ZNF618: variants seen among roughly 807,000 people sequenced by gnomAD.
ZNF618 encodes neural precursor cell expressed, developmentally down-regulated 10.
ZNF618 carries 34 observed loss-of-function variants against 103.0 expected under a neutral mutation model. The ratio of observed to expected loss-of-function variants is 0.33; its 90% CI spans 0.25 to 0.44. ZNF618 has a LOEUF of 0.44. Among genes scored for constraint, ZNF618 ranks in the 20% least tolerant of loss-of-function variants. The pLI is 1.00. For synonymous variants in ZNF618, 551 were observed against 542.2 expected (o/e 1.02, Z -0.23); for missense variants, 1,059 against 1,295.4 (o/e 0.82, Z 2.80).
rs1846032708 is a variant in ZNF618 at position 114,050,226 on chromosome 9, A to G, written c.*59A>G. The stretch of plus-strand genomic sequence containing the variant: ...GAAGATAACATTAGAAAAAAACCAC[A>G]CAACACTGTCACAAAGAAAAGGAAT... On this transcript the variant is annotated 3_prime_UTR_variant, in exon 15 of 15. Transcript: ENST00000374126. 1.3e-6 allele frequency: 2 copies of G among 1,485,812 alleles called. No individual in the cohort carries two copies. The highest frequency in any genetic ancestry group is 2.3e-5 in the East Asian group (1 of 43,916). The allele number at this position is 1,485,812 out of a possible 1,614,324, so 92.0% of individuals were successfully genotyped here.
At chr9:113,960,743 C>T (rs1297698952) in intron 1 of ZNF618, among the ~76,000 whole-genome samples, 2 of 152,176 alleles carry the variant, frequency 1.3e-5, no homozygotes, top group East Asian at 1.9e-4. Flanking sequence ...GGTTTGGGGA[C>T]GGTCTTCACA....
chr9:113,988,425 A>G lies in ZNF618; in HGVS notation c.182A>G (p.Lys61Arg). The change falls in exon 3 of 15, where the codon AAG becomes AGG. Residue 61 changes from lysine (K) to arginine (R), a missense_variant. Transcript: ENST00000374126. Reference protein sequence around the residue: ...SAEQGTMTEVKVKTELPDDYI... With the variant: ...SAEQGTMTEVRVKTELPDDYI... ...GAGCAAGGAACGATGACGGAGGTGA[A>G]GGTGAAGACAGAGCTGCCCGATGAC... The G allele has an allele frequency of 6.2e-7, 1 of 1,613,702 alleles. No homozygotes were observed. The highest frequency in any genetic ancestry group is 8.5e-7 in the Non-Finnish European group (1 of 1,179,892).
intron 1 of ZNF618, among the ~76,000 whole-genome samples, chr9:113,912,499 G>A (rs1193777359): frequency 6.6e-6 from 1 of 152,176 alleles, no homozygotes; most frequent in Non-Finnish European, 1.5e-5. Flanking sequence ...AGGATGCAAG[G>A]GGTTAAGCAG....
chr9:113,973,276 T>C lies in ZNF618; in HGVS notation c.77+4116T>C, dbSNP rs191040080. On this transcript the variant is annotated intron_variant, in intron 2 of 14. Transcript: ENST00000374126. ...TTAGACGGCTCTGAGCAGAATGACCTTGAAGGACCCCCAGCCCTCCAACGT... is the reference window on the plus strand; with the variant it reads ...TTAGACGGCTCTGAGCAGAATGACCCTGAAGGACCCCCAGCCCTCCAACGT... 2.3e-3 allele frequency among the ~76,000 whole-genome samples: 347 copies of C among 152,278 alleles called. 1 individual carries two copies. Among genetic ancestry groups the C allele is most frequent in the Middle Eastern group, 0.02 (6 of 294 alleles).
Position 114,050,372 on chromosome 9 carries a change from G to A in ZNF618, c.*205G>A, listed in dbSNP as rs908711657. 3.9e-5 allele frequency: 23 copies of A among 586,618 alleles called. No homozygotes were observed. The highest frequency in any genetic ancestry group is 5.6e-5 in the Non-Finnish European group (20 of 357,142). 36.3% of individuals were successfully genotyped at this position (586,618 alleles called of 1,614,324 possible). On this transcript the variant is annotated 3_prime_UTR_variant, in exon 15 of 15. Transcript: ENST00000374126. ...CACGTGTGTGCACGTGTCTGAACAC[G>A]TGCTGTGGTTGTGGGGGTGTGGGGG...
chr9:113,928,334 A>C (rs1373943981), intron 1 of ZNF618, among the ~76,000 whole-genome samples: 1 of 152,130 alleles, frequency 6.6e-6, no homozygotes, highest in African/African-American at 2.4e-5. Context: ...TAATTTTTCC[A>C]TTAGAACCCT....
chr9:113,882,003 AATAAAGTGTTGCCAG>A (rs1283425445), intron 1 of ZNF618, among the ~76,000 whole-genome samples: 2 of 152,160 alleles, frequency 1.3e-5, no homozygotes, highest in African/African-American at 4.8e-5. Flanking sequence ...GTGCATTTTA[AATAAAGTGTTGCCAG>A]AGAGAAGGAT....
chr9:113,993,760 TC>T (rs1329643382), intron 3 of ZNF618, among the ~76,000 whole-genome samples: 1 of 152,204 alleles, frequency 6.6e-6, no homozygotes, highest in Admixed American at 6.5e-5. Flanking sequence ...ACTGGGTTAT[TC>T]CCCGATAGTG....
At position 113,961,659 on chromosome 9, in the gene ZNF618, C is replaced by G. The variant is rs368096488; in HGVS notation, c.34-7458C>G. The stretch of plus-strand genomic sequence containing the variant: ...AAAACCAAGTACAATGTGTTAGATA[C>G]ATACCACTGAATGTGATCTAAGAGG... On this transcript the variant is annotated intron_variant, in intron 1 of 14. Transcript: ENST00000374126. 1.3e-4 allele frequency among the ~76,000 whole-genome samples: 20 copies of G among 152,342 alleles called. No homozygotes were observed. In the East Asian group the frequency reaches 3.9e-3, roughly 29 times the overall value.
chr9:113,964,968 T>G (rs745880704), intron 1 of ZNF618, among the ~76,000 whole-genome samples: 8 of 146,982 alleles, frequency 5.4e-5, no homozygotes, highest in Non-Finnish European at 1.2e-4. Flanking sequence ...CAGCGAGAGA[T>G]AGGATTTTTT....
At chr9:113,943,139 T>C (rs1172739767) in intron 1 of ZNF618, among the ~76,000 whole-genome samples, 4 of 152,102 alleles carry the variant, frequency 2.6e-5, no homozygotes, top group Admixed American at 1.3e-4. Context: ...ACAGAGCAAA[T>C]GTTTTTGAGC....
intron 6 of ZNF618, among the ~76,000 whole-genome samples, chr9:114,004,560 C>G (rs1012752676): frequency 6.6e-6 from 1 of 152,194 alleles, no homozygotes; most frequent in Non-Finnish European, 1.5e-5. Flanking sequence ...TGGTTGCTGA[C>G]GGCTCTGTAG....
chr9:113,889,317 A>C (rs375625138), intron 1 of ZNF618, among the ~76,000 whole-genome samples: 25 of 139,322 alleles, frequency 1.8e-4, no homozygotes, highest in Admixed American at 4.1e-4. Flanking sequence ...CCCCGCTACC[A>C]TCTCTCTCTC....
At chr9:113,986,815 C>T (rs1839529962) in intron 2 of ZNF618, among the ~76,000 whole-genome samples, 1 of 152,194 alleles carries the variant, frequency 6.6e-6, no homozygotes, top group East Asian at 1.9e-4. Context: ...GCTCAGTTTC[C>T]CAACCTTTCT....
At chr9:113,957,030 C>T (rs1385699889) in intron 1 of ZNF618, among the ~76,000 whole-genome samples, 1 of 152,184 alleles carries the variant, frequency 6.6e-6, no homozygotes, top group Non-Finnish European at 1.5e-5. Flanking sequence ...ATGACTTACC[C>T]AGTGACACAT....
chr9:113,921,389 G>A (rs375896511), intron 1 of ZNF618, among the ~76,000 whole-genome samples: 40 of 152,368 alleles, frequency 2.6e-4, no homozygotes, highest in South Asian at 2.1e-3. Flanking sequence ...TTCACTGAGT[G>A]GAAGGGTTTT....
intron 1 of ZNF618, among the ~76,000 whole-genome samples, chr9:113,901,328 C>G (rs539279249): frequency 6.6e-6 from 1 of 152,190 alleles, no homozygotes; most frequent in Admixed American, 6.5e-5. Flanking sequence ...CTCCTTGCCC[C>G]GTCTCCTGTC....
intron 2 of ZNF618, among the ~76,000 whole-genome samples, chr9:113,975,299 C>T (rs1838373842): frequency 6.6e-6 from 1 of 152,190 alleles, no homozygotes; most frequent in African/African-American, 2.4e-5. Context: ...TATATGGAGT[C>T]ACCCAGATGG....
In ZNF618 at chr9:114,047,933, G is replaced by A. The variant is rs756210735; in HGVS notation, c.1287G>A (p.Ser429=). The change falls in exon 14 of 15, where the codon TCG becomes TCA. Residue 429 remains serine, a synonymous_variant. Coordinates refer to ENST00000374126, the MANE Select transcript of ZNF618 (RefSeq NM_001318042.2). The stretch of plus-strand genomic sequence containing the variant: ...ACATTGCCTCCAACCAGTCCCGATC[G>A]CCACCTGCTGTTGTAGAAGAGAAGT... The part of the protein sequence containing the change: ...ENNIASNQSR[S]PPAVVEEKWK... 77 of 1,602,740 alleles carry A rather than the reference G, an allele frequency of 4.8e-5. No individual in the cohort carries two copies. Among genetic ancestry groups the A allele is most frequent in the South Asian group, 2.9e-4 (26 of 88,188 alleles).
Sources: allele counts gnomAD v4.1 joint callset (sites outside exome capture counted in the v4.1 genomes callset), GRCh38; gene constraint gnomAD v4.1.1; transcripts MANE v1.5; gene names NCBI Gene and HGNC (gene_info 2026-07-23, HGNC 2026-07-21).